CCNJ: variants seen among roughly 807,000 people sequenced by gnomAD.
The protein encoded by CCNJ is cyclin-J.
In CCNJ, 12 loss-of-function variants were observed where a neutral mutation model predicts 41.4. That is an observed-to-expected ratio of 0.29 (90% CI 0.19 to 0.47). The LOEUF is 0.47. Among genes scored for constraint, CCNJ ranks in the 20% least tolerant of loss-of-function variants. The pLI is 1.00. For missense variants in CCNJ, 340 were observed against 464.6 expected (o/e 0.73, Z 2.47); for synonymous variants, 161 against 173.4 (o/e 0.93, Z 0.56).
chr10:96,057,438 TG>T (rs2080724176), intron 5 of CCNJ, among the ~76,000 whole-genome samples, 191 bp downstream of exon 5: 1 of 152,210 alleles, frequency 6.6e-6, no homozygotes, highest in Admixed American at 6.5e-5. Flanking sequence ...AGAATAATTC[TG>T]GGCACATTAT....
chr10:96,043,500 G>A, upstream of CCNJ: 1 of 391,070 alleles, frequency 2.6e-6, no homozygotes, highest in Non-Finnish European at 4.5e-6. Context: ...CGACCCCGCT[G>A]TATCGCGAGA....
intron 3 of CCNJ, among the ~76,000 whole-genome samples, chr10:96,055,715 ATG>A (rs2080665549): frequency 6.6e-6 from 1 of 152,234 alleles, no homozygotes; most frequent in African/African-American, 2.4e-5. Flanking sequence ...CCTTTGAATA[ATG>A]TTCAGCCATC....
intron 3 of CCNJ, among the ~76,000 whole-genome samples, chr10:96,054,757 AT>A (rs974176253): frequency 6.6e-6 from 1 of 152,012 alleles, no homozygotes; most frequent in Non-Finnish European, 1.5e-5. Flanking sequence ...GTCATATGCA[AT>A]TTTTTTTCCC....
At chr10:96,054,754 G>A (rs562599853) in intron 3 of CCNJ, among the ~76,000 whole-genome samples, 6 of 152,242 alleles carry the variant, frequency 3.9e-5, no homozygotes, top group African/African-American at 1.4e-4. Flanking sequence ...TTGGTCATAT[G>A]CAATTTTTTT....
At position 96,058,014 on chromosome 10, in the gene CCNJ, C is replaced by G. The variant is rs752033721; in HGVS notation, c.925C>G (p.Pro309Ala). 4.3e-6 allele frequency: 7 copies of G among 1,614,112 alleles called. No individual in the cohort carries two copies. The South Asian group carries it at 6.6e-5, about 15-fold the overall frequency. ...LQYRHPTSEQPSCQQIVSTTH... is the reference protein window; with the variant it reads ...LQYRHPTSEQASCQQIVSTTH... ...GTATCGCCATCCTACGTCAGAACAA[C>G]CAAGCTGTCAGCAGATTGTATCGAC... is the stretch of plus-strand genomic sequence containing the variant. The change falls in exon 6 of 6, where the codon CCA becomes GCA. Residue 309 changes from proline to alanine, a missense_variant. By Grantham distance (27) the Pro-to-Ala change is conservative. Around this residue, in one of 3 missense-constraint regions of CCNJ, gnomAD observed 159 missense variants for 168.2 expected, o/e 0.95. Coordinates refer to ENST00000465148, the MANE Select transcript of CCNJ (RefSeq NM_001134375.2).
chr10:96,057,961 T>G lies in CCNJ; in HGVS notation c.872T>G (p.Leu291Arg). 1 of 1,614,148 alleles carries G rather than the reference T, an allele frequency of 6.2e-7. No individual in the cohort carries two copies. The highest frequency in any genetic ancestry group is 8.5e-7 in the Non-Finnish European group (1 of 1,180,014). The stretch of plus-strand genomic sequence containing the variant: ...GTTCACTTTCAGCAACCTCAGTATC[T>G]CCATCAGACACATCAGACCTCACTG... The part of the protein sequence containing the change: ...RPVHFQQPQY[L>R]HQTHQTSLQY... The change falls in exon 6 of 6, where the codon CTC (leucine) becomes CGC (arginine). Residue 291 changes from leucine (L) to arginine (R), a missense_variant. Transcript: ENST00000465148.
At chr10:96,045,626 T>A (rs1371585948) in intron 2 of CCNJ, among the ~76,000 whole-genome samples, 1 of 151,748 alleles carries the variant, frequency 6.6e-6, no homozygotes, top group Admixed American at 6.6e-5. Flanking sequence ...ATCTCTGGAG[T>A]GTTAGTTAGG....
Position 96,056,974 on chromosome 10 carries a change from A to G in CCNJ, c.554A>G (p.Asp185Gly), listed in dbSNP as rs1219440077. ...AAACTCTACATGGCCAAATATGCAG[A>G]TTACTTCCTGGAAGTATCTTTGCAA... ...KTKLYMAKYA[D>G]YFLEVSLQDY... The change falls in exon 4 of 6, where the codon GAT (aspartate) becomes GGT (glycine). Residue 185 changes from aspartate (D) to glycine (G), a missense_variant. Asp to Gly is a moderately conservative substitution (Grantham distance 94, BLOSUM62 -1). This residue lies in a region of CCNJ where 137 missense variants were observed against 252.9 expected (regional missense o/e 0.54). Coordinates refer to ENST00000465148, the MANE Select transcript of CCNJ (RefSeq NM_001134375.2). The G allele has an allele frequency of 1.2e-6, 2 of 1,613,984 alleles. No individual in the cohort carries two copies. The highest frequency in any genetic ancestry group is 2.2e-5 in the East Asian group (1 of 44,880).
At chr10:96,048,553 C>G (rs904729071) in intron 2 of CCNJ, among the ~76,000 whole-genome samples, 7 of 152,130 alleles carry the variant, frequency 4.6e-5, no homozygotes, top group Non-Finnish European at 8.8e-5. Flanking sequence ...ACTTTTTCAT[C>G]TTCCCAAACT....
rs1463502322 is a variant in CCNJ, at chr10:96,050,275, AT to A, written c.90del (p.Tyr30Ter). The A allele has an allele frequency of 6.2e-7, 1 of 1,613,870 alleles. No individual in the cohort carries two copies. Among genetic ancestry groups the A allele is most frequent in the African/African-American group, 1.3e-5 (1 of 74,928 alleles). On this transcript the variant is annotated frameshift_variant, in exon 3 of 6. Coordinates refer to ENST00000465148, the MANE Select transcript of CCNJ (RefSeq NM_001134375.2). LOFTEE classifies it high-confidence loss of function. ...ACTTAGGAGCTGAAGTTGCCCTCCT[AT>A]AAAGGCCAGTCCCCTCAGTTAAGTC... ...LRYKELKLPS[Y>X]KGQSPQLSLR...
chr10:96,049,112 GTTT>G (rs1397096743), intron 2 of CCNJ, among the ~76,000 whole-genome samples: 1 of 151,792 alleles, frequency 6.6e-6, no homozygotes, highest in Admixed American at 6.6e-5. Context: ...GTTTTGTTTT[GTTT>G]TTTGATAATA....
intron 5 of CCNJ, among the ~76,000 whole-genome samples, 159 bp from the exon 6 acceptor site, chr10:96,057,671 C>T (rs1479377697): frequency 6.6e-6 from 1 of 152,172 alleles, no homozygotes; most frequent in Admixed American, 6.5e-5. Flanking sequence ...TTTAGAAGAA[C>T]ACAAGCGAGG....
intron 2 of CCNJ, among the ~76,000 whole-genome samples, chr10:96,049,048 G>C (rs893856394): frequency 6.6e-6 from 1 of 152,172 alleles, no homozygotes; most frequent in Non-Finnish European, 1.5e-5. Flanking sequence ...AATGCACAAG[G>C]ATTCCAGTTT....
intron 1 of CCNJ, among the ~76,000 whole-genome samples, chr10:96,044,149 C>G (rs775958577): frequency 2.0e-5 from 3 of 152,248 alleles, no homozygotes; most frequent in Non-Finnish European, 4.4e-5. Context: ...CAGTGAGTCT[C>G]AGAGTCCTTC....
At chr10:96,050,581 A>T (rs1022933641) in intron 3 of CCNJ, 115 bp downstream of exon 3, 1 of 745,110 alleles carries the variant, frequency 1.3e-6, no homozygotes, top group South Asian at 1.9e-5. Context: ...GTTCACTAGT[A>T]TCAAGAAGCT....
chr10:96,053,548 G>C (rs1217739233), intron 3 of CCNJ, among the ~76,000 whole-genome samples: 2 of 152,118 alleles, frequency 1.3e-5, no homozygotes, highest in Non-Finnish European at 2.9e-5. Flanking sequence ...TCACATGTAT[G>C]CCCTGGCTTC....
intron 2 of CCNJ, among the ~76,000 whole-genome samples, chr10:96,049,481 C>CTTTTTTTTTTTTTTTTT (rs150769179): frequency 1.1e-4 from 12 of 108,276 alleles, no homozygotes; most frequent in East Asian, 2.7e-4. Flanking sequence ...TTTTCTTTTT[C>CTTTTTTTTTTTTTTTTT]TTTTTTTTTT....
intron 2 of CCNJ, among the ~76,000 whole-genome samples, chr10:96,046,029 G>A (rs533341773): frequency 7.6e-5 from 11 of 145,396 alleles, no homozygotes; most frequent in East Asian, 2.0e-4. Context: ...ATTTTAATTC[G>A]TGAGTGATTA....
In CCNJ at chr10:96,058,855, T is replaced by C; in HGVS notation, c.*614T>C. 1 of 193,024 alleles carries C rather than the reference T, an allele frequency of 5.2e-6. No individual in the cohort carries two copies. Among genetic ancestry groups the C allele is most frequent in the Non-Finnish European group, 1.0e-5 (1 of 95,490 alleles). The allele number at this position is 193,024 out of a possible 1,614,324, so 12.0% of individuals were successfully genotyped here. A position where few individuals can be genotyped will look rare whatever the true frequency, so the allele number is the denominator to read the frequency against. ...AGGTATCTGGGTTTATATACTAAAA[T>C]TAAGGGTGGAGAAGATCTTATTTTT... On this transcript the variant is annotated 3_prime_UTR_variant, in exon 6 of 6. Transcript: ENST00000465148.
Sources: allele counts gnomAD v4.1 joint callset (sites outside exome capture counted in the v4.1 genomes callset), GRCh38; gene constraint gnomAD v4.1.1; regional missense constraint gnomAD v4.1.1; transcripts MANE v1.5; gene names NCBI Gene and HGNC (gene_info 2026-07-23, HGNC 2026-07-21).